Variants in CD244 observed in about 807,000 individuals in gnomAD.
The protein encoded by CD244 is natural killer cell receptor 2B4.
In CD244, 20 loss-of-function variants were observed where a neutral mutation model predicts 45.5. The ratio of observed to expected loss-of-function variants is 0.44; its 90% confidence interval spans 0.31 to 0.64. CD244 has a LOEUF of 0.64. Among genes scored for constraint, CD244 ranks in the 30% least tolerant of loss-of-function variants. CD244 has a pLI of 0.08. For missense variants in CD244, 407 were observed against 426.9 expected, an observed-to-expected ratio of 0.95 and a Z score of 0.41; for synonymous variants, 185 against 160.5, an observed-to-expected ratio of 1.15 and a Z score of -1.15.
At chr1:160,857,551 T>C (rs936729821) in intron 1 of CD244, among the ~76,000 whole-genome samples, 3 of 152,242 alleles carry the variant, frequency 2.0e-5, no homozygotes, top group Middle Eastern at 3.2e-3. Flanking sequence ...TTTGATTCCA[T>C]ATATACGGAC....
intron 7 of CD244, chr1:160,832,856 A>ATGTG (rs1553194331): frequency 9.7e-6 from 3 of 309,686 alleles, no homozygotes; most frequent in African/African-American, 8.1e-5. Flanking sequence ...CCATACACAT[A>ATGTG]TGTGTGTGTG....
intron 3 of CD244, 190 bp from the exon 4 acceptor site, chr1:160,839,239 G>A (rs1242640246): frequency 3.7e-6 from 2 of 539,328 alleles, no homozygotes; most frequent in African/African-American, 1.9e-5. Flanking sequence ...GTGATGCCAA[G>A]AGCATAGATA....
intron 6 of CD244, among the ~76,000 whole-genome samples, chr1:160,835,842 A>T (rs1383868347): frequency 6.6e-6 from 1 of 152,228 alleles, no homozygotes; most frequent in African/African-American, 2.4e-5. Flanking sequence ...TATAATAGGG[A>T]ATAGGGATAA....
In CD244 at chr1:160,844,346, G is replaced by A. The variant is rs371571112; in HGVS notation, c.62-2445C>T. On this transcript the variant is annotated intron_variant, in intron 1 of 8. Coordinates refer to ENST00000368034, the MANE Select transcript of CD244 (RefSeq NM_016382.4). ...AGTAATCATGTCTAATATGTTCAAG[G>A]AAATAAAACATAAGTTTAAGAATTT... 5.3e-5 allele frequency among the ~76,000 whole-genome samples: 8 copies of A among 152,238 alleles called. No individual in the cohort carries two copies. The South Asian group carries it at 1.7e-3, about 32-fold the overall frequency.
chr1:160,832,538 T>C lies in CD244; in HGVS notation c.998A>G (p.Asn333Ser). ...SRKRNHSPSFNSTIYEVIGKS... is the reference protein window; with the variant it reads ...SRKRNHSPSFSSTIYEVIGKS... ...TCTTACCACTTCATAGATAGTGCTA[T>C]TGAAGGAAGGGCTGTGGTTCCTCTT... The change falls in exon 8 of 9, where the codon AAT becomes AGT. Residue 333 changes from asparagine (N) to serine (S), a missense_variant. Transcript: ENST00000368034. The C allele has an allele frequency of 6.2e-7, 1 of 1,608,762 alleles. No homozygotes were observed. Among genetic ancestry groups the C allele is most frequent in the Non-Finnish European group, 8.5e-7 (1 of 1,176,334 alleles).
At chr1:160,848,140 A>T (rs2101882640) in intron 1 of CD244, 1 of 458,306 alleles carries the variant, frequency 2.2e-6, no homozygotes, top group East Asian at 5.3e-5. Flanking sequence ...CTAGAGAGAA[A>T]TGATTTGGTT....
intron 1 of CD244, among the ~76,000 whole-genome samples, chr1:160,856,926 A>G (rs1404442401): frequency 6.6e-6 from 1 of 152,226 alleles, no homozygotes; most frequent in Non-Finnish European, 1.5e-5. Flanking sequence ...TGAATCCTAC[A>G]GGCAACTAAT....
At chr1:160,862,375 A>C (rs1670341644) in intron 1 of CD244, among the ~76,000 whole-genome samples, 1 of 152,204 alleles carries the variant, frequency 6.6e-6, no homozygotes, top group Non-Finnish European at 1.5e-5. Flanking sequence ...AGTGGGAAGG[A>C]ATCTCCTCAC....
Position 160,862,383 on chromosome 1 carries a change from C to T in CD244, c.61+234G>A, listed in dbSNP as rs529895950. On this transcript the variant is annotated intron_variant, in intron 1 of 8. Coordinates refer to ENST00000368034, the MANE Select transcript of CD244 (RefSeq NM_016382.4). ...TGAAGCCAGTGGGAAGGAATCTCCTCACCCAAGACTTCCTGGATTGCTGGT... is the reference window on the plus strand; with the variant it reads ...TGAAGCCAGTGGGAAGGAATCTCCTTACCCAAGACTTCCTGGATTGCTGGT... Among the ~76,000 whole-genome samples, 16 of 152,354 alleles carry T rather than the reference C, an allele frequency of 1.1e-4. No individual in the cohort carries two copies. The South Asian group carries it at 3.1e-3, about 30-fold the overall frequency.
At position 160,848,049 on chromosome 1, in the gene CD244, A is replaced by T. The variant is rs191008466; in HGVS notation, c.62-6148T>A. ...ATGTTCATTAATATAGCAGTTGACC[A>T]TGAACCCTTGGACCGTGTCTCCTTG... On this transcript the variant is annotated intron_variant, in intron 1 of 8. Transcript: ENST00000368034. 3.9e-3 allele frequency: 1,336 copies of T among 339,122 alleles called. 15 individuals carry two copies. The highest frequency in any genetic ancestry group is 4.7e-3 in the Non-Finnish European group (810 of 173,672). The allele number at this position is 339,122 out of a possible 1,614,324, so 21.0% of individuals were successfully genotyped here.
intron 1 of CD244, among the ~76,000 whole-genome samples, chr1:160,859,627 C>A (rs756817216): frequency 6.7e-6 from 1 of 150,182 alleles, no homozygotes; most frequent in Non-Finnish European, 1.5e-5. Context: ...CATATGATGG[C>A]TAGGCATGAT....
chr1:160,834,320 A>T (rs931736693), intron 6 of CD244, among the ~76,000 whole-genome samples: 1 of 152,116 alleles, frequency 6.6e-6, no homozygotes, highest in Admixed American at 6.6e-5. Flanking sequence ...TTTGTTGAGC[A>T]TTTATCTTAT....
Position 160,838,833 on chromosome 1 carries a change from G to A in CD244, c.766+106C>T, listed in dbSNP as rs1428432476. 6.6e-6 allele frequency: 5 copies of A among 752,528 alleles called. No homozygotes were observed. The Admixed American group carries it at 1.1e-4, about 17-fold the overall frequency. The allele number at this position is 752,528 out of a possible 1,614,324, so 46.6% of individuals were successfully genotyped here. On this transcript the variant is annotated intron_variant, in intron 4 of 8. Coordinates refer to ENST00000368034, the MANE Select transcript of CD244 (RefSeq NM_016382.4). ...ACACAAACATACCAAAGCTCGTTGA[G>A]GAAAAGGAGATGCTGTGCTCCCAGA...
rs1363245367 is a variant in CD244, at chr1:160,841,643, A to G, written c.320T>C (p.Leu107Pro). The change falls in exon 2 of 9, where the codon CTG becomes CCG. Residue 107 changes from leucine (L) to proline (P), a missense_variant. Coordinates refer to ENST00000368034, the MANE Select transcript of CD244 (RefSeq NM_016382.4). ...TTTTCCAGATATACTGGTGACCTCC[A>G]GGCAGTAGAGGCCACTGTCCTGCTG... is the stretch of plus-strand genomic sequence containing the variant. Reference protein sequence around the residue: ...AQQQDSGLYCLEVTSISGKVQ... With the variant: ...AQQQDSGLYCPEVTSISGKVQ... 1 of 1,614,238 alleles carries G rather than the reference A, an allele frequency of 6.2e-7. No individual in the cohort carries two copies.
chr1:160,844,691 C>T (rs1179566301), intron 1 of CD244, among the ~76,000 whole-genome samples: 2 of 152,176 alleles, frequency 1.3e-5, no homozygotes, highest in Non-Finnish European at 2.9e-5. Flanking sequence ...TCAGCTAGCC[C>T]TGGCCTGGTG....
rs1231809184 is a variant in CD244 at position 160,841,341 on chromosome 1, C to G, written c.524G>C (p.Gly175Ala). Residue 175 changes from glycine (G) to alanine (A), a missense_variant, in exon 3 of 9, where the codon GGG (glycine) becomes GCG (alanine). By Grantham distance (60) the Gly-to-Ala change is moderately conservative (BLOSUM62 0). Coordinates refer to ENST00000368034, the MANE Select transcript of CD244 (RefSeq NM_016382.4). ...YRGSKLIQTA[G>A]NLTYLDEEVD... is the part of the protein sequence containing the mutation. ...CTCCTCGTCCAGGTAGGTGAGGTTCCCTGCTGTCTGGATCAGCTTGCTCCC... is the reference window on the plus strand; with the variant it reads ...CTCCTCGTCCAGGTAGGTGAGGTTCGCTGCTGTCTGGATCAGCTTGCTCCC... 1 of 1,614,064 alleles carries G rather than the reference C, an allele frequency of 6.2e-7. No homozygotes were observed. Among genetic ancestry groups the G allele is most frequent in the African/African-American group, 1.3e-5 (1 of 74,920 alleles).
intron 1 of CD244, among the ~76,000 whole-genome samples, chr1:160,847,596 A>G (rs1669779628): frequency 6.6e-6 from 1 of 152,212 alleles, no homozygotes; most frequent in African/African-American, 2.4e-5. Context: ...CATATTTCTA[A>G]AAACCCATGA....
rs769371391 is a variant in CD244 at position 160,836,214 on chromosome 1, T to A, written c.875A>T (p.Tyr292Phe). 4 of 1,613,250 alleles carry A rather than the reference T, an allele frequency of 2.5e-6. No individual in the cohort carries two copies. The highest frequency in any genetic ancestry group is 3.4e-6 in the Non-Finnish European group (4 of 1,179,610). ...QTFPGGGSTI[Y>F]SMIQSQSSAP... ...AGGTACCTGGGACTGGATCATAGAG[T>A]AGATGGTGCTCCCCCCTCCAGGAAA... The change falls in exon 6 of 9, where the codon TAC becomes TTC. Residue 292 changes from tyrosine (Y) to phenylalanine (F), a missense_variant. By Grantham distance (22) the Tyr-to-Phe change is conservative. Transcript: ENST00000368034.
rs768142100 is a variant in CD244, at chr1:160,834,050, C to T, written c.960+1G>A. ...CACCACCACCACGGGAAGAGGCTCA[C>T]CTTCCTGGAAGGCTGAATTAATGAA... On this transcript the variant is annotated splice_donor_variant, in intron 7 of 8. Transcript: ENST00000368034. LOFTEE classifies it high-confidence loss of function. The T allele has an allele frequency of 9.9e-6, 16 of 1,608,376 alleles. No individual in the cohort carries two copies. Among genetic ancestry groups the T allele is most frequent in the South Asian group, 2.2e-5 (2 of 90,960 alleles).
Sources: allele counts gnomAD v4.1 joint callset (sites outside exome capture counted in the v4.1 genomes callset), GRCh38; gene constraint gnomAD v4.1.1; transcripts MANE v1.5; gene names NCBI Gene and HGNC (gene_info 2026-07-23, HGNC 2026-07-21).